Variants in KDM6B observed in about 807,000 individuals in gnomAD.
KDM6B encodes the protein lysine demethylase 6B.
KDM6B carries 22 observed loss-of-function variants against 150.4 expected under a neutral mutation model. The ratio of observed to expected loss-of-function variants is 0.15; its 90% CI spans 0.10 to 0.21. KDM6B has a LOEUF of 0.21. KDM6B is among the 10% of genes least tolerant of loss of function. The pLI is 1.00. For synonymous variants in KDM6B, 1,148 were observed against 921.1 expected, an observed-to-expected ratio of 1.25 and a Z score of -4.46; for missense variants, 1,984 against 2,234.3, an observed-to-expected ratio of 0.89 and a Z score of 2.26.
At position 7,847,790 on chromosome 17, in the gene KDM6B, TAGA is replaced by T. The variant is rs780404203; in HGVS notation, c.1506_1508del (p.Glu503del). 9 of 1,539,782 alleles carry T rather than the reference TAGA, an allele frequency of 5.8e-6. No individual in the cohort carries two copies. The East Asian group carries it at 2.2e-4, about 37-fold the overall frequency. On this transcript the variant is annotated inframe_deletion, in exon 12 of 24. Transcript: ENST00000448097. ...GCAGCCCGAGAGGATGGAGAGATCT[TAGA>T]AGAGCTCTTCTTTGGGACTGAGGGA... is the stretch of plus-strand genomic sequence containing the variant.
chr17:7,853,542 T>TGCCTGCCC lies in KDM6B; in HGVS notation c.*24_*31dup. ...GATGAGGCCGGACGCCCCGCCCGCCTGCCTGCCCGCGCAAGGCGCCGCGGG... is the reference window on the plus strand; with the variant it reads ...GATGAGGCCGGACGCCCCGCCCGCCTGCCTGCCCGCCTGCCCGCGCAAGGCGCCGCGGG... On this transcript the variant is annotated 3_prime_UTR_variant, in exon 24 of 24. Coordinates refer to ENST00000448097, the MANE Select transcript of KDM6B (RefSeq NM_001348716.2). The TGCCTGCCC allele has an allele frequency of 7.0e-7, 1 of 1,427,612 alleles. No individual in the cohort carries two copies. Among genetic ancestry groups the TGCCTGCCC allele is most frequent in the Middle Eastern group, 2.5e-4 (1 of 3,962 alleles). The allele number at this position is 1,427,612 out of a possible 1,614,324, so 88.4% of individuals were successfully genotyped here. A position where few individuals can be genotyped will look rare whatever the true frequency, so the allele number is the denominator to read the frequency against.
At position 7,846,599 on chromosome 17, in the gene KDM6B, C is replaced by T. The variant is rs1451970461; in HGVS notation, c.570C>T (p.Ala190=). 2 of 1,614,108 alleles carry T rather than the reference C, an allele frequency of 1.2e-6. No individual in the cohort carries two copies. Among genetic ancestry groups the T allele is most frequent in the Admixed American group, 1.7e-5 (1 of 60,018 alleles). Residue 190 remains alanine (A), a synonymous_variant, in exon 9 of 24, where the codon GCC becomes GCT. Coordinates refer to ENST00000448097, the MANE Select transcript of KDM6B (RefSeq NM_001348716.2). ...CTCAGCACAAACGGAACTATGGAGC[C>T]AAGCGGGGAGGTCCCCCGGTGAAGC... ...LHLEHKRNYG[A]KRGGPPVKRA... is the part of the protein sequence containing the mutation.
intron 23 of KDM6B, 37 bp from the exon 24 acceptor site, chr17:7,853,461 G>A (rs916791579): frequency 1.9e-5 from 28 of 1,511,490 alleles, no homozygotes; most frequent in Non-Finnish European, 2.3e-5. Context: ...GCCCGGCCGC[G>A]CCTTTCCCTG....
At position 7,853,516 on chromosome 17, in the gene KDM6B, C is replaced by A. The variant is rs1163618397; in HGVS notation, c.4927C>A (p.Arg1643=). 3.3e-6 allele frequency: 5 copies of A among 1,502,376 alleles called. No homozygotes were observed. In the African/African-American group the frequency reaches 7.2e-5, roughly 22 times the overall value. 93.1% of individuals were successfully genotyped at this position (1,502,376 alleles called of 1,614,324 possible). A position where few individuals can be genotyped will look rare whatever the true frequency, so the allele number is the denominator to read the frequency against. Residue 1643 remains arginine (R), a synonymous_variant, in exon 24 of 24, where the codon CGA becomes AGA. Transcript: ENST00000448097. ...AFTLAPASTS[R] The stretch of plus-strand genomic sequence containing the variant: ...CCCCCAGGCCCCAGCCAGCACGTCG[C>A]GATGAGGCCGGACGCCCCGCCCGCC...
In KDM6B at chr17:7,853,563, G is replaced by T. The variant is rs1183867205; in HGVS notation, c.*42G>T. The T allele has an allele frequency of 1.5e-6, 2 of 1,378,870 alleles. No individual in the cohort carries two copies. Among genetic ancestry groups the T allele is most frequent in the South Asian group, 1.5e-5 (1 of 67,654 alleles). 85.4% of individuals were successfully genotyped at this position (1,378,870 alleles called of 1,614,324 possible). ...CGCCTGCCTGCCCGCGCAAGGCGCCGCGGGGCCACCAGCACATGCCTGGGC... is the reference window on the plus strand; with the variant it reads ...CGCCTGCCTGCCCGCGCAAGGCGCCTCGGGGCCACCAGCACATGCCTGGGC... On this transcript the variant is annotated 3_prime_UTR_variant, in exon 24 of 24. Coordinates refer to ENST00000448097, the MANE Select transcript of KDM6B (RefSeq NM_001348716.2).
rs1439049590 is a variant in KDM6B, at chr17:7,846,059, C to T, written c.237-19C>T. On this transcript the variant is annotated intron_variant, in intron 6 of 23. Transcript: ENST00000448097. ...CAAGCCCAACCCCCACCCACACCCC[C>T]ACCCCTTCTGCTCTGTAGGGCGCCC... 1.3e-6 allele frequency: 2 copies of T among 1,547,750 alleles called. No homozygotes were observed. Among genetic ancestry groups the T allele is most frequent in the African/African-American group, 1.4e-5 (1 of 73,348 alleles).
Position 7,853,261 on chromosome 17 carries a change from A to G in KDM6B, c.4789A>G (p.Thr1597Ala). 6.2e-7 allele frequency: 1 copy of G among 1,610,732 alleles called. No homozygotes were observed. Among genetic ancestry groups the G allele is most frequent in the Non-Finnish European group, 8.5e-7 (1 of 1,178,862 alleles). Reference protein sequence around the residue: ...FVTSENGSRNTYLVHCEGCAR... With the variant: ...FVTSENGSRNAYLVHCEGCAR... ...GACAAGTGAGAATGGCAGCCGCAAC[A>G]CGTACCTGGTACACTGCGAGGGCTG... The change falls in exon 23 of 24, where the codon ACG (threonine) becomes GCG (alanine). Residue 1597 changes from threonine to alanine, a missense_variant. Transcript: ENST00000448097.
In KDM6B at chr17:7,848,853, T is replaced by G. The variant is rs1027932853; in HGVS notation, c.2565T>G (p.Pro855=). Residue 855 remains proline, a synonymous_variant, in exon 12 of 24, where the codon CCT becomes CCG. Transcript: ENST00000448097. The part of the protein sequence containing the change: ...ATALPPTSAA[P]SAQGSPQPSA... The stretch of plus-strand genomic sequence containing the variant: ...CCCTGCCGCCCACCTCAGCGGCCCC[T>G]AGCGCCCAGGGCTCCCCACAGCCCT... 6.2e-7 allele frequency: 1 copy of G among 1,610,938 alleles called. No individual in the cohort carries two copies. The highest frequency in any genetic ancestry group is 8.5e-7 in the Non-Finnish European group (1 of 1,179,220).
In KDM6B at chr17:7,848,711, C is replaced by G; in HGVS notation, c.2423C>G (p.Ala808Gly). ...CCGGCCAGCCTGCTCAAATCCTTGGCCTCCGTGCTGGAGGGACAAAAGTAC... is the reference window on the plus strand; with the variant it reads ...CCGGCCAGCCTGCTCAAATCCTTGGGCTCCGTGCTGGAGGGACAAAAGTAC... ...PSPASLLKSLASVLEGQKYCY... is the reference protein window; with the variant it reads ...PSPASLLKSLGSVLEGQKYCY... Residue 808 changes from alanine to glycine, a missense_variant, in exon 12 of 24, where the codon GCC (alanine) becomes GGC (glycine). By Grantham distance (60) the Ala-to-Gly change is moderately conservative. This residue lies in a region of KDM6B where 1,379 missense variants were observed against 1,275.6 expected (regional missense o/e 1.08). Coordinates refer to ENST00000448097, the MANE Select transcript of KDM6B (RefSeq NM_001348716.2). 6.2e-7 allele frequency: 1 copy of G among 1,612,906 alleles called. No individual in the cohort carries two copies. The highest frequency in any genetic ancestry group is 1.1e-5 in the South Asian group (1 of 91,060).
intron 1 of KDM6B, among the ~76,000 whole-genome samples, chr17:7,835,241 G>A (rs1195640815): frequency 6.6e-6 from 1 of 152,130 alleles, no homozygotes; most frequent in African/African-American, 2.4e-5. Flanking sequence ...ATAGTGGGGA[G>A]GGGGGCACGC....
Position 7,846,386 on chromosome 17 carries a change from C to A in KDM6B, c.457-14C>A. On this transcript the variant is annotated splice_polypyrimidine_tract_variant and intron_variant, in intron 7 of 23. Coordinates refer to ENST00000448097, the MANE Select transcript of KDM6B (RefSeq NM_001348716.2). ...CCTGACATCTGCCCCTGCCCCGTGT[C>A]CCCCCACCCCCAGGCCCAGCTCTGG... 1 of 705,944 alleles carries A rather than the reference C, an allele frequency of 1.4e-6. No individual in the cohort carries two copies. The allele number at this position is 705,944 out of a possible 1,614,324, so 43.7% of individuals were successfully genotyped here. A position where few individuals can be genotyped will look rare whatever the true frequency, so the allele number is the denominator to read the frequency against.
Position 7,851,365 on chromosome 17 carries a change from G to A in KDM6B, c.3915G>A (p.Glu1305=), listed in dbSNP as rs2151379209. 2 of 1,614,176 alleles carry A rather than the reference G, an allele frequency of 1.2e-6. No homozygotes were observed. Among genetic ancestry groups the A allele is most frequent in the Non-Finnish European group, 8.5e-7 (1 of 1,180,036 alleles). ...EKESEDEESE[E]PDSTTGTPPS... Reference sequence around the variant, plus strand: ...AGAGTGAGGATGAGGAGTCAGAGGAGCCAGACAGCACCACTGGAACCCCTC... The same window carrying A: ...AGAGTGAGGATGAGGAGTCAGAGGAACCAGACAGCACCACTGGAACCCCTC... Residue 1305 remains glutamate, a synonymous_variant, in exon 16 of 24, where the codon GAG becomes GAA. Transcript: ENST00000448097.
At chr17:7,838,981 G>A (rs932436698) in intron 1 of KDM6B, among the ~76,000 whole-genome samples, 1 of 152,176 alleles carries the variant, frequency 6.6e-6, no homozygotes, top group Non-Finnish European at 1.5e-5. Context: ...AGAGGCCTGA[G>A]TCTCTGAGGC....
At position 7,843,723 on chromosome 17, in the gene KDM6B, G is replaced by A. The variant is rs1046738105; in HGVS notation, c.-268-1178G>A. 3.9e-5 allele frequency among the ~76,000 whole-genome samples: 6 copies of A among 151,962 alleles called. No individual in the cohort carries two copies. The highest frequency in any genetic ancestry group is 1.5e-4 in the African/African-American group (6 of 41,372). ...GCTTTGTACTCGACACTCGCCTCTC[G>A]CTGCTCTTTGTACTCTAGACTCTCA... On this transcript the variant is annotated intron_variant, in intron 2 of 23. Transcript: ENST00000448097. This position sits in a 1 kb window ranked among gnomAD's most constrained non-coding sequence, Gnocchi z 4.5.
chr17:7,846,957 A>G lies in KDM6B; in HGVS notation c.850A>G (p.Thr284Ala), dbSNP rs1287800268. The G allele has an allele frequency of 2.7e-6, 4 of 1,506,708 alleles. No individual in the cohort carries two copies. In the East Asian group the frequency reaches 8.1e-5, roughly 31 times the overall value. 93.3% of individuals were successfully genotyped at this position (1,506,708 alleles called of 1,614,324 possible). A position where few individuals can be genotyped will look rare whatever the true frequency, so the allele number is the denominator to read the frequency against. The change falls in exon 10 of 24, where the codon ACC becomes GCC. Residue 284 changes from threonine (T) to alanine (A), a missense_variant. Thr to Ala is a moderately conservative substitution (Grantham distance 58). Coordinates refer to ENST00000448097, the MANE Select transcript of KDM6B (RefSeq NM_001348716.2). ...GCTAACCAAGCCAGGGCTGTGGAGT[A>G]CCCTGCATGGAGATGCCTGGGGCCC... ...FQLTKPGLWS[T>A]LHGDAWGPER...
intron 2 of KDM6B, among the ~76,000 whole-genome samples, chr17:7,841,408 C>G (rs888752593): frequency 5.9e-5 from 9 of 152,136 alleles, no homozygotes; most frequent in African/African-American, 2.2e-4. Flanking sequence ...GGTGGGCCTG[C>G]GCCAGTGTCG....
Position 7,847,618 on chromosome 17 carries a change from A to G in KDM6B, c.1330A>G (p.Ser444Gly), listed in dbSNP as rs73233606. ...HHGRLGPSAHSSRKPFLGAPA... is the reference protein window; with the variant it reads ...HHGRLGPSAHGSRKPFLGAPA... ...TGGCCGCCTGGGGCCCTCGGCACAC[A>G]GCAGTCGGAAACCGTTCTTGGGGGC... The change falls in exon 12 of 24, where the codon AGC (serine) becomes GGC (glycine). Residue 444 changes from serine (S) to glycine (G), a missense_variant. Physicochemically the swap from Ser to Gly is moderately conservative, Grantham distance 56 (BLOSUM62 0). This residue lies in a region of KDM6B where 1,379 missense variants were observed against 1,275.6 expected (regional missense o/e 1.08). Coordinates refer to ENST00000448097, the MANE Select transcript of KDM6B (RefSeq NM_001348716.2). 54,223 of 1,612,362 alleles carry G rather than the reference A, an allele frequency of 0.034. 1,762 individuals are homozygous for G. Among genetic ancestry groups the G allele is most frequent in the African/African-American group, 0.17 (12,382 of 74,794 alleles).
rs2078510501 is a variant in KDM6B at position 7,845,370 on chromosome 17, A to G, written c.-92A>G. ...TGGGGGTAGCGGGCACTCTTATCAG[A>G]GCGGCTGGAGCCGGACCATCGTCCC... On this transcript the variant is annotated 5_prime_UTR_variant, in exon 4 of 24. Transcript: ENST00000448097. 2 of 738,430 alleles carry G rather than the reference A, an allele frequency of 2.7e-6. No homozygotes were observed. Among genetic ancestry groups the G allele is most frequent in the Non-Finnish European group, 2.4e-6 (1 of 416,512 alleles). 45.7% of individuals were successfully genotyped at this position (738,430 alleles called of 1,614,324 possible). A position where few individuals can be genotyped will look rare whatever the true frequency, so the allele number is the denominator to read the frequency against.
intron 1 of KDM6B, among the ~76,000 whole-genome samples, chr17:7,839,161 C>G (rs2078377817): frequency 1.3e-5 from 2 of 152,272 alleles, no homozygotes; most frequent in Middle Eastern, 6.8e-3. Flanking sequence ...TGATGGACAC[C>G]TGATTCTTGG....
Sources: gnomAD v4.1 joint callset for allele counts (sites outside exome capture counted in the v4.1 genomes callset) on GRCh38, gnomAD v4.1.1 for gene constraint, gnomAD v4.1.1 regional missense constraint, Gnocchi (gnomAD v3.1) non-coding constraint, MANE v1.5 for transcripts, NCBI Gene and HGNC (gene_info 2026-07-23, HGNC 2026-07-21) for gene names.